Variants in TLCD4 observed in about 807,000 individuals in gnomAD.
TLCD4 encodes the protein TLC domain containing 4.
In TLCD4, 7 loss-of-function variants were observed where a neutral mutation model predicts 24.2. That is an observed-to-expected ratio of 0.29 (90% CI 0.16 to 0.54). The LOEUF (loss-of-function observed/expected upper bound fraction) is 0.54. Ranked by LOEUF, TLCD4 falls within the 20% of genes least tolerant of loss-of-function variation. The probability of loss-of-function intolerance (pLI) is 0.95; values close to 1 mark genes in which losing one functional copy is unlikely to be tolerated. For synonymous variants in TLCD4, 103 were observed against 106.4 expected, an observed-to-expected ratio of 0.97 and a Z score of 0.20; for missense variants, 259 against 313.9, an observed-to-expected ratio of 0.82 and a Z score of 1.32.
At chr1:95,187,969 T>C (rs1401705002) in intron 6 of TLCD4, among the ~76,000 whole-genome samples, 2 of 152,156 alleles carry the variant, frequency 1.3e-5, no homozygotes. Flanking sequence ...CTTTGGTCTC[T>C]CCTTTCTTTT....
chr1:95,096,693 T>C, the TLCD4 span, among the ~76,000 whole-genome samples: 1 of 152,226 alleles, frequency 6.6e-6, no homozygotes, highest in Admixed American at 6.5e-5. Flanking sequence ...GCACTACCTC[T>C]GGCCCCCGCT....
the TLCD4 span, among the ~76,000 whole-genome samples, chr1:95,105,035 A>C: frequency 6.6e-6 from 1 of 152,200 alleles, no homozygotes; most frequent in Non-Finnish European, 1.5e-5. Context: ...AACAATAAAA[A>C]AAAATAATAC....
At chr1:95,118,249 A>G (rs1676483646) in intron 1 of TLCD4, among the ~76,000 whole-genome samples, 1 of 152,206 alleles carries the variant, frequency 6.6e-6, no homozygotes, top group South Asian at 2.1e-4. Context: ...TTCTATTTCC[A>G]TCTTTACCTC....
At chr1:95,139,959 C>A (rs187642951) in intron 1 of TLCD4, among the ~76,000 whole-genome samples, 1 of 152,166 alleles carries the variant, frequency 6.6e-6, no homozygotes, top group Non-Finnish European at 1.5e-5. Context: ...ATATCATTGT[C>A]GTCCACCTCC....
At chr1:95,150,121 TTATTA>T in intron 3 of TLCD4, 82 bp from the exon 4 acceptor site, 4 of 1,466,180 alleles carry the variant, frequency 2.7e-6, no homozygotes, top group Non-Finnish European at 3.6e-6. Flanking sequence ...GAAAGCAATT[TTATTA>T]TATTTAAATC....
intron 2 of TLCD4, among the ~76,000 whole-genome samples, chr1:95,148,324 T>A (rs373144951): frequency 4.6e-5 from 7 of 152,242 alleles, no homozygotes; most frequent in Admixed American, 1.3e-4. Flanking sequence ...CCTGCATTGA[T>A]GCTGTTGGGG....
intron 6 of TLCD4, among the ~76,000 whole-genome samples, chr1:95,176,241 G>C (rs975531105): frequency 6.6e-6 from 1 of 151,346 alleles, no homozygotes; most frequent in Non-Finnish European, 1.5e-5. Flanking sequence ...GCCCAGTCTG[G>C]AGTACAGTGG....
At chr1:95,171,596 C>T (rs1309657275) in intron 5 of TLCD4, among the ~76,000 whole-genome samples, 1 of 152,100 alleles carries the variant, frequency 6.6e-6, no homozygotes, top group Non-Finnish European at 1.5e-5. Context: ...ATGATATCAA[C>T]ACCAGAGTGT....
At chr1:95,173,726 A>G in intron 5 of TLCD4, 90 bp from the exon 6 acceptor site, 1 of 1,547,840 alleles carries the variant, frequency 6.5e-7, no homozygotes, top group Non-Finnish European at 8.9e-7. Flanking sequence ...TTGTTATATT[A>G]TGCTGAGAAG....
At chr1:95,190,609 G>A (rs12740399) in intron 6 of TLCD4, among the ~76,000 whole-genome samples, 54,692 of 151,822 alleles carry the variant, frequency 0.36, 11,383 homozygotes, top group Middle Eastern at 0.55. Context: ...TTACAGGGGT[G>A]AGCCACTGCG....
At chr1:95,105,650 C>G in the TLCD4 span, among the ~76,000 whole-genome samples, 2 of 152,068 alleles carry the variant, frequency 1.3e-5, no homozygotes, top group Non-Finnish European at 1.5e-5. Flanking sequence ...AATCCCAGCA[C>G]TTTGGGAGGC....
At chr1:95,102,399 C>T in the TLCD4 span, among the ~76,000 whole-genome samples, 1 of 152,028 alleles carries the variant, frequency 6.6e-6, no homozygotes, top group East Asian at 1.9e-4. Context: ...TTGCTGTGTA[C>T]TTGGATAGAG....
At chr1:95,100,008 G>A in the TLCD4 span, among the ~76,000 whole-genome samples, 1 of 151,906 alleles carries the variant, frequency 6.6e-6, no homozygotes, top group African/African-American at 2.4e-5. Flanking sequence ...GGGCATGGTG[G>A]CTCAGGCCAT....
At chr1:95,143,855 GAGACAACAATTTAT>G in intron 1 of TLCD4, 22 bp from the exon 2 acceptor site, 1 of 1,330,592 alleles carries the variant, frequency 7.5e-7, no homozygotes, top group Non-Finnish European at 9.7e-7. Context: ...GGTTTATTAT[GAGACAACAATTTAT>G]AGCTGTCATT....
intron 1 of TLCD4, among the ~76,000 whole-genome samples, chr1:95,139,085 G>T (rs1677126868): frequency 6.7e-6 from 1 of 149,232 alleles, no homozygotes; most frequent in Admixed American, 6.7e-5. Context: ...TGAGGCGGGA[G>T]GATCACTTGA....
At chr1:95,094,248 A>G in the TLCD4 span, among the ~76,000 whole-genome samples, 30 of 151,546 alleles carry the variant, frequency 2.0e-4, no homozygotes, top group Admixed American at 1.2e-3. Flanking sequence ...CTCCCACCTC[A>G]GCCTCCCAAG....
chr1:95,175,889 C>T (rs1282242713), intron 6 of TLCD4, among the ~76,000 whole-genome samples: 1 of 151,910 alleles, frequency 6.6e-6, no homozygotes, highest in Admixed American at 6.6e-5. Flanking sequence ...GATCCTCCCA[C>T]CTCAGCTTTC....
At chr1:95,166,320 CAGTTA>C (rs2100976742) in intron 5 of TLCD4, among the ~76,000 whole-genome samples, 1 of 152,234 alleles carries the variant, frequency 6.6e-6, no homozygotes, top group African/African-American at 2.4e-5. Context: ...ATCATGAACA[CAGTTA>C]AGTTTAGGTT....
In TLCD4 at chr1:95,192,000, C is replaced by A. The variant is rs566848217; in HGVS notation, c.*132C>A. 4 of 1,446,398 alleles carry A rather than the reference C, an allele frequency of 2.8e-6. No homozygotes were observed. The African/African-American group carries it at 4.3e-5, about 16-fold the overall frequency. 89.6% of individuals were successfully genotyped at this position (1,446,398 alleles called of 1,614,324 possible). ...GGATTTCAGTGTCATTTTTTTTAAA[C>A]CTTAGAAAAGAGAAGGCCGGGCACG... is the stretch of plus-strand genomic sequence containing the variant. On this transcript the variant is annotated 3_prime_UTR_variant, in exon 7 of 7. Coordinates refer to ENST00000370203, the MANE Select transcript of TLCD4 (RefSeq NM_152487.3).
Sources: allele counts gnomAD v4.1 joint callset (sites outside exome capture counted in the v4.1 genomes callset), GRCh38; gene constraint gnomAD v4.1.1; transcripts MANE v1.5; gene names NCBI Gene and HGNC (gene_info 2026-07-23, HGNC 2026-07-21).